The following DNM3 variants were observed in gnomAD, a reference collection of about 807,000 sequenced individuals.
DNM3 encodes dynamin 3, also known as dynamin-3.
In DNM3, 47 loss-of-function variants were observed where a neutral mutation model predicts 101.6. That is an observed-to-expected ratio of 0.46 (90% CI 0.37 to 0.59). The LOEUF (loss-of-function observed/expected upper bound fraction) is 0.59, where lower values mean the gene tolerates loss of function less well. DNM3 is among the 20% of genes least tolerant of loss of function. DNM3 has a pLI of 0.00. For synonymous variants in DNM3, 385 were observed against 387.9 expected (o/e 0.99, Z 0.09); for missense variants, 849 against 1,085.7 (o/e 0.78, Z 3.06).
chr1:172,208,161 C>T (rs4644529), intron 14 of DNM3, among the ~76,000 whole-genome samples: 10,350 of 151,958 alleles, frequency 0.068, 433 homozygotes, highest in East Asian at 0.13. Flanking sequence ...GCAGTTTTTC[C>T]GCAAGATTTA....
At chr1:172,130,107 A>G (rs746854156) in intron 13 of DNM3, among the ~76,000 whole-genome samples, 29 of 152,198 alleles carry the variant, frequency 1.9e-4, no homozygotes, top group Non-Finnish European at 3.5e-4. Context: ...AAAAGTTAAT[A>G]GCAATATAAA....
Position 172,004,232 on chromosome 1 carries a change from G to A in DNM3, c.589+15084G>A, listed in dbSNP as rs550042536. On this transcript the variant is annotated intron_variant, in intron 4 of 20. Transcript: ENST00000627582. ...AAGAATAGCAATGTGTTCCTATAAA[G>A]AGAAGAAAGAAAAATGGGAGAATAG... Among the ~76,000 whole-genome samples, 42 of 152,166 alleles carry A rather than the reference G, an allele frequency of 2.8e-4. No individual in the cohort carries two copies. The South Asian group carries it at 7.5e-3, about 27-fold the overall frequency.
chr1:172,114,377 C>T (rs1010595461), intron 13 of DNM3, among the ~76,000 whole-genome samples: 5 of 152,132 alleles, frequency 3.3e-5, no homozygotes, highest in African/African-American at 1.2e-4. Context: ...GCTGGGTGTT[C>T]TAAGACACTT....
intron 17 of DNM3, among the ~76,000 whole-genome samples, chr1:172,343,044 G>A (rs754652975): frequency 1.3e-5 from 2 of 152,170 alleles, no homozygotes; most frequent in Non-Finnish European, 2.9e-5. Flanking sequence ...AGGCGAAGGA[G>A]CTAAGCCAGT....
intron 6 of DNM3, among the ~76,000 whole-genome samples, chr1:172,035,719 A>G (rs1190175263): frequency 1.3e-5 from 2 of 152,136 alleles, no homozygotes; most frequent in Non-Finnish European, 2.9e-5. Context: ...TGGTTCTGTT[A>G]GATTTGGGTC....
intron 1 of DNM3, among the ~76,000 whole-genome samples, chr1:171,884,550 C>A (rs1420863309): frequency 6.6e-6 from 1 of 152,190 alleles, no homozygotes; most frequent in Non-Finnish European, 1.5e-5. Flanking sequence ...TGGCTTAGAA[C>A]AATAGCCATT....
At chr1:171,879,940 G>A (rs895035136) in intron 1 of DNM3, among the ~76,000 whole-genome samples, 45 of 152,252 alleles carry the variant, frequency 3.0e-4, no homozygotes, top group African/African-American at 1.0e-3. Flanking sequence ...TTTTATGGAA[G>A]TGGCGCTCAT....
intron 4 of DNM3, among the ~76,000 whole-genome samples, chr1:172,009,121 TAA>T (rs999332297): frequency 3.3e-4 from 46 of 138,116 alleles, no homozygotes; most frequent in African/African-American, 8.4e-4. Flanking sequence ...ATATATCATA[TAA>T]TATATATATT....
intron 4 of DNM3, among the ~76,000 whole-genome samples, chr1:171,998,720 C>T (rs968056707): frequency 1.3e-5 from 2 of 151,950 alleles, no homozygotes; most frequent in African/African-American, 2.4e-5. Flanking sequence ...AAACAGAATA[C>T]GGGAAGAGAG....
intron 15 of DNM3, among the ~76,000 whole-genome samples, chr1:172,277,634 C>CA (rs1326348476): frequency 3.3e-5 from 5 of 150,552 alleles, no homozygotes; most frequent in East Asian, 3.9e-4. Flanking sequence ...CAGTCAATTG[C>CA]AAAAAAAGGT....
At position 172,411,837 on chromosome 1, in the gene DNM3, A is replaced by G. The variant is rs2071225373; in HGVS notation, c.*3996A>G. ...AGAAGACTACTAGCTGTGAGCTCAGAGTTTAATGTAAATGAATCTAGATGA... is the reference window on the plus strand; with the variant it reads ...AGAAGACTACTAGCTGTGAGCTCAGGGTTTAATGTAAATGAATCTAGATGA... On this transcript the variant is annotated 3_prime_UTR_variant, in exon 21 of 21. Transcript: ENST00000627582. 1 of 985,756 alleles carries G rather than the reference A, an allele frequency of 1.0e-6. No homozygotes were observed. Among genetic ancestry groups the G allele is most frequent in the Non-Finnish European group, 1.2e-6 (1 of 829,844 alleles). The allele number at this position is 985,756 out of a possible 1,614,324, so 61.1% of individuals were successfully genotyped here.
intron 17 of DNM3, among the ~76,000 whole-genome samples, chr1:172,350,405 A>C (rs755541507): frequency 6.6e-6 from 1 of 152,132 alleles, no homozygotes; most frequent in Non-Finnish European, 1.5e-5. Flanking sequence ...TGATGAACAC[A>C]GAGAGCTGGA....
intron 1 of DNM3, among the ~76,000 whole-genome samples, chr1:171,848,375 AT>A (rs2124979283): frequency 6.6e-6 from 1 of 152,302 alleles, no homozygotes; most frequent in Non-Finnish European, 1.5e-5. Context: ...AGGCAAGTTA[AT>A]TTGACTGAAA....
chr1:172,010,776 A>AT (rs1459349191), intron 4 of DNM3, among the ~76,000 whole-genome samples: 1 of 142,914 alleles, frequency 7.0e-6, no homozygotes, highest in Non-Finnish European at 1.5e-5. Flanking sequence ...TTCATCAATT[A>AT]TTTTTTCTTT....
At chr1:172,210,882 G>T (rs1433485762) in intron 14 of DNM3, among the ~76,000 whole-genome samples, 5 of 152,060 alleles carry the variant, frequency 3.3e-5, no homozygotes, top group South Asian at 4.1e-4. Flanking sequence ...AAAGCCAAGT[G>T]TGAGGGAAGA....
chr1:172,383,276 C>T (rs930112796), intron 18 of DNM3, among the ~76,000 whole-genome samples: 9 of 152,110 alleles, frequency 5.9e-5, no homozygotes, highest in African/African-American at 1.7e-4. Context: ...ATATACTATA[C>T]GCCTTTTGTG....
intron 17 of DNM3, chr1:172,338,791 C>A: frequency 2.1e-6 from 1 of 483,120 alleles, no homozygotes; most frequent in Non-Finnish European, 4.2e-6. Context: ...GCTCTGAAAA[C>A]TTTCAGGGAG....
intron 1 of DNM3, among the ~76,000 whole-genome samples, chr1:171,880,479 G>C (rs1323657255): frequency 6.6e-6 from 1 of 151,974 alleles, no homozygotes; most frequent in Non-Finnish European, 1.5e-5. Context: ...TTATTTTTTG[G>C]CACAGCGATC....
At chr1:172,138,745 G>A (rs1358981176) in intron 14 of DNM3, 1 of 342,576 alleles carries the variant, frequency 2.9e-6, no homozygotes, top group Non-Finnish European at 6.0e-6. Flanking sequence ...GTAGCTCTTG[G>A]TGTAGATGCT....
Sources: gnomAD v4.1 joint callset for allele counts (sites outside exome capture counted in the v4.1 genomes callset) on GRCh38, gnomAD v4.1.1 for gene constraint, MANE v1.5 for transcripts, NCBI Gene and HGNC (gene_info 2026-07-23, HGNC 2026-07-21) for gene names.